Variants in ZNF676 observed in about 807,000 individuals in gnomAD.
The protein encoded by ZNF676 is zinc finger protein 676.
In ZNF676, 4 loss-of-function variants were observed where a neutral mutation model predicts 6.0. The observed-to-expected ratio is 0.67, with a 90% CI of 0.33 to 1.53. ZNF676 has a LOEUF of 1.53. Among genes scored for constraint, ZNF676 ranks in the 40% most tolerant of loss-of-function variants. The probability of loss-of-function intolerance (pLI) is 0.06; values close to 1 mark genes in which losing one functional copy is unlikely to be tolerated. For missense variants in ZNF676, 644 were observed against 679.7 expected (o/e 0.95, Z 0.58); for synonymous variants, 198 against 223.1 (o/e 0.89, Z 1.00).
At chr19:22,198,454 C>T (rs1174772980), upstream of ZNF676, among the ~76,000 whole-genome samples, 2 of 152,124 alleles carry the variant, frequency 1.3e-5, no homozygotes, top group Admixed American at 6.6e-5. Flanking sequence ...AAGTACTAAA[C>T]GTATGTTTCC....
rs569141917 is a variant in ZNF676, at chr19:22,179,635, T to C, written c.*315A>G. 2 of 542,616 alleles carry C rather than the reference T, an allele frequency of 3.7e-6. No individual in the cohort carries two copies. Among genetic ancestry groups the C allele is most frequent in the Non-Finnish European group, 6.8e-6 (2 of 293,122 alleles). 33.6% of individuals were successfully genotyped at this position (542,616 alleles called of 1,614,324 possible). On this transcript the variant is annotated 3_prime_UTR_variant, in exon 3 of 3. Coordinates refer to ENST00000397121, the MANE Select transcript of ZNF676 (RefSeq NM_001001411.3). ...CATTTGTAGGGCTTTTCCTCCAGTATGAATTCTTTTATGAGTAGTAAGGTG... is the reference window on the plus strand; with the variant it reads ...CATTTGTAGGGCTTTTCCTCCAGTACGAATTCTTTTATGAGTAGTAAGGTG...
At chr19:22,198,114 T>G (rs1445875264), upstream of ZNF676, among the ~76,000 whole-genome samples, 1 of 152,198 alleles carries the variant, frequency 6.6e-6, no homozygotes, top group South Asian at 2.1e-4. Flanking sequence ...AATCTTGTAC[T>G]GCATAGACAT....
the ZNF676 span, among the ~76,000 whole-genome samples, chr19:22,228,458 C>T: frequency 6.6e-6 from 1 of 152,078 alleles, no homozygotes; most frequent in Non-Finnish European, 1.5e-5. Flanking sequence ...ACAAGGATGC[C>T]CTCTCTCACC....
chr19:22,182,279 T>C (rs1459147158), intron 2 of ZNF676, among the ~76,000 whole-genome samples: 1 of 152,124 alleles, frequency 6.6e-6, no homozygotes, highest in Non-Finnish European at 1.5e-5. Context: ...TTTCTGACTA[T>C]GCCAGGACAA....
intron 2 of ZNF676, among the ~76,000 whole-genome samples, chr19:22,190,662 T>TATAC (rs1381337730): frequency 1.6e-5 from 2 of 122,462 alleles, no homozygotes; most frequent in Non-Finnish European, 3.1e-5. Context: ...TATATATATA[T>TATAC]ATACATACAC....
chr19:22,235,028 G>GAAAGAAAAGA, the ZNF676 span, among the ~76,000 whole-genome samples: 113 of 62,342 alleles, frequency 1.8e-3, 4 homozygotes, highest in East Asian at 3.4e-3. Context: ...AAGAAAGAAA[G>GAAAGAAAAGA]AAAGAAAAGA....
chr19:22,197,934 A>AC (rs1420922316), upstream of ZNF676, among the ~76,000 whole-genome samples: 1 of 152,156 alleles, frequency 6.6e-6, no homozygotes, highest in Non-Finnish European at 1.5e-5. Context: ...CCATAAGGAA[A>AC]CATTAGTTTT....
At chr19:22,206,899 T>C (rs2024082323) in intron 1 of ZNF676, among the ~76,000 whole-genome samples, 1 of 152,156 alleles carries the variant, frequency 6.6e-6, no homozygotes, top group South Asian at 2.1e-4. Context: ...TTTAACATTT[T>C]TCATGTTAAA....
rs1170049988 is a variant in ZNF676 at position 22,179,697 on chromosome 19, T to G, written c.*253A>C. 8 of 712,452 alleles carry G rather than the reference T, an allele frequency of 1.1e-5. No homozygotes were observed. The highest frequency in any genetic ancestry group is 1.8e-5 in the Non-Finnish European group (7 of 390,712). The allele number at this position is 712,452 out of a possible 1,614,324, so 44.1% of individuals were successfully genotyped here. On this transcript the variant is annotated 3_prime_UTR_variant, in exon 3 of 3. Transcript: ENST00000397121. ...TGAAGTCTTTATCACATTCTTCGCA[T>G]TTGTAGGGTTTCTCTCCAGTATGAA...
At chr19:22,214,424 G>A (rs2024162556) in intron 1 of ZNF676, among the ~76,000 whole-genome samples, 1 of 151,492 alleles carries the variant, frequency 6.6e-6, no homozygotes, top group Non-Finnish European at 1.5e-5. Context: ...AGACCAGCCT[G>A]ACCAACACGG....
chr19:22,258,067 T>A, the ZNF676 span, among the ~76,000 whole-genome samples: 1 of 152,070 alleles, frequency 6.6e-6, no homozygotes, highest in African/African-American at 2.4e-5. Flanking sequence ...CAGAAATATG[T>A]CAAAATTATT....
At position 22,196,688 on chromosome 19, in the gene ZNF676, A is replaced by G; in HGVS notation, c.-55T>C. ...AATCCAGGCATTGCCACTCCTCCAG[A>G]GAGAATTCTATGGCCACATCCCTAA... On this transcript the variant is annotated 5_prime_UTR_variant, in exon 1 of 3. Coordinates refer to ENST00000397121, the MANE Select transcript of ZNF676 (RefSeq NM_001001411.3). 6.2e-7 allele frequency: 1 copy of G among 1,612,840 alleles called. No individual in the cohort carries two copies. Among genetic ancestry groups the G allele is most frequent in the Non-Finnish European group, 8.5e-7 (1 of 1,178,928 alleles).
At chr19:22,191,852 T>C (rs1164667945) in intron 2 of ZNF676, among the ~76,000 whole-genome samples, 1 of 152,166 alleles carries the variant, frequency 6.6e-6, no homozygotes, top group Non-Finnish European at 1.5e-5. Flanking sequence ...AAGAAGATTT[T>C]TACCCTCTGA....
chr19:22,218,649 T>A (rs182605918), upstream of ZNF676, among the ~76,000 whole-genome samples: 2 of 152,134 alleles, frequency 1.3e-5, no homozygotes, highest in Admixed American at 1.3e-4. Flanking sequence ...CAGCCGAAGA[T>A]CCAGTTTTAT....
At chr19:22,188,164 A>G (rs916485912) in intron 2 of ZNF676, among the ~76,000 whole-genome samples, 62 of 152,228 alleles carry the variant, frequency 4.1e-4, no homozygotes, top group African/African-American at 1.3e-3. Context: ...CTTATCCACC[A>G]AGATCAAGTT....
the ZNF676 span, among the ~76,000 whole-genome samples, chr19:22,253,830 G>A: frequency 1.3e-5 from 2 of 152,162 alleles, no homozygotes; most frequent in East Asian, 1.9e-4. Flanking sequence ...AAGAAACACA[G>A]TCTCACCTGT....
At chr19:22,245,505 C>CG in the ZNF676 span, among the ~76,000 whole-genome samples, 1 of 200 alleles carries the variant, frequency 5.0e-3, no homozygotes, top group African/African-American at 8.5e-3. Context: ...TGTCACAATG[C>CG]CCCCCCCCCC....
intron 2 of ZNF676, among the ~76,000 whole-genome samples, chr19:22,181,873 T>C (rs765550765): frequency 6.6e-6 from 1 of 151,710 alleles, no homozygotes; most frequent in Admixed American, 6.6e-5. Context: ...CCAATACAAC[T>C]CTTTCTGCTC....
At chr19:22,220,059 G>T (rs1301276516), upstream of ZNF676, among the ~76,000 whole-genome samples, 1 of 152,122 alleles carries the variant, frequency 6.6e-6, no homozygotes, top group Non-Finnish European at 1.5e-5. Flanking sequence ...TGATTTTTCT[G>T]CATATATTGA....
Sources: allele counts gnomAD v4.1 joint callset (sites outside exome capture counted in the v4.1 genomes callset), GRCh38; gene constraint gnomAD v4.1.1; transcripts MANE v1.5; gene names NCBI Gene and HGNC (gene_info 2026-07-23, HGNC 2026-07-21).